Variants in IQANK1 observed in about 807,000 individuals in gnomAD.
The protein encoded by IQANK1 is IQ motif and ankyrin repeat containing 1.
Under a neutral mutation model 22.6 loss-of-function variants are expected in IQANK1, and 30 were observed. That is an observed-to-expected ratio of 1.33 (90% confidence interval 0.99 to 1.80). The LOEUF is 1.80. IQANK1 is among the 40% of genes most tolerant of loss of function. The pLI, the probability that IQANK1 is intolerant of heterozygous loss-of-function variation, is 0.00. For missense variants in IQANK1, 275 were observed against 235.2 expected (o/e 1.17, Z -1.11); for synonymous variants, 122 against 99.6 (o/e 1.23, Z -1.34).
At chr8:143,780,169 CCTT>C (rs1427143636) in intron 7 of IQANK1, among the ~76,000 whole-genome samples, 1 of 152,014 alleles carries the variant, frequency 6.6e-6, no homozygotes, top group African/African-American at 2.4e-5. Context: ...GTGCTTGCTT[CCTT>C]CTTTTTTTCA....
chr8:143,787,677 C>T (rs1819918329), intron 7 of IQANK1, among the ~76,000 whole-genome samples: 1 of 152,166 alleles, frequency 6.6e-6, no homozygotes, highest in South Asian at 2.1e-4. Context: ...TCTTTCCCCT[C>T]ATCCTGTCTT....
intron 3 of IQANK1, chr8:143,745,198 TG>T (rs1357888753): frequency 6.6e-6 from 1 of 152,266 alleles, no homozygotes; most frequent in Non-Finnish European, 1.5e-5. Context: ...ATCTGGAAAC[TG>T]GGTGAGAGAC....
intron 2 of IQANK1, among the ~76,000 whole-genome samples, chr8:143,737,804 T>G (rs1475070321): frequency 6.6e-6 from 1 of 152,126 alleles, no homozygotes; most frequent in African/African-American, 2.4e-5. Context: ...TAGCTGCTCC[T>G]CCCGCCACAG....
At position 143,773,509 on chromosome 8, in the gene IQANK1, C is replaced by T. The variant is rs1442330584; in HGVS notation, c.789+1027C>T. 2.6e-5 allele frequency among the ~76,000 whole-genome samples: 4 copies of T among 152,222 alleles called. No individual in the cohort carries two copies. In the East Asian group the frequency reaches 5.8e-4, roughly 22 times the overall value. On this transcript the variant is annotated intron_variant, in intron 7 of 13. Transcript: ENST00000527139. ...CAACTTAATTTGAACCCCAGTCCCT[C>T]TCCCATCTCAGTCATTATGTTCCCC...
At chr8:143,748,608 AATATATAAATATATAATATATC>A (rs1819084835) in intron 3 of IQANK1, among the ~76,000 whole-genome samples, 1 of 130,082 alleles carries the variant, frequency 7.7e-6, no homozygotes, top group African/African-American at 3.0e-5. Context: ...TATCATATAT[AATATATAAATATATAATATATC>A]ATATATAAAT....
intron 7 of IQANK1, among the ~76,000 whole-genome samples, chr8:143,775,363 C>G (rs1049343198): frequency 1.3e-5 from 2 of 151,868 alleles, no homozygotes; most frequent in Non-Finnish European, 2.9e-5. Context: ...CAGACACACA[C>G]ACACACACAC....
chr8:143,779,644 T>A (rs1222904406), intron 7 of IQANK1, among the ~76,000 whole-genome samples: 2 of 152,222 alleles, frequency 1.3e-5, no homozygotes, highest in African/African-American at 4.8e-5. Flanking sequence ...TTTTATTTTC[T>A]GTCTTCATTC....
chr8:143,736,642 T>C (rs1218451390), intron 2 of IQANK1, among the ~76,000 whole-genome samples: 5 of 152,162 alleles, frequency 3.3e-5, no homozygotes, highest in Non-Finnish European at 4.4e-5. Flanking sequence ...TCTCTGACTC[T>C]CTGCTCCATC....
chr8:143,747,716 T>C (rs1177805136), intron 3 of IQANK1, among the ~76,000 whole-genome samples: 1 of 152,192 alleles, frequency 6.6e-6, no homozygotes, highest in African/African-American at 2.4e-5. Flanking sequence ...TATTGATTTC[T>C]AACCTCATCC....
chr8:143,770,716 G>A (rs1240357687), intron 3 of IQANK1, among the ~76,000 whole-genome samples: 1 of 152,258 alleles, frequency 6.6e-6, no homozygotes, highest in African/African-American at 2.4e-5. Flanking sequence ...CTGGCCACCC[G>A]TGCCCTGGCA....
chr8:143,751,722 GTTTATC>G (rs1554628069), intron 3 of IQANK1, among the ~76,000 whole-genome samples: 1 of 139,938 alleles, frequency 7.1e-6, no homozygotes, highest in African/African-American at 2.6e-5. Context: ...TTACCCACAT[GTTTATC>G]TTTATTGAGA....
intron 3 of IQANK1, chr8:143,745,768 G>C (rs920147368): frequency 5.9e-5 from 9 of 151,970 alleles, no homozygotes; most frequent in African/African-American, 1.9e-4. Context: ...GTCTTTCTCT[G>C]TCACCCAGGA....
At chr8:143,751,593 C>T (rs1338136136) in intron 3 of IQANK1, among the ~76,000 whole-genome samples, 1 of 133,484 alleles carries the variant, frequency 7.5e-6, no homozygotes, top group East Asian at 2.2e-4. Flanking sequence ...GCCTGGGCAA[C>T]AGAGCGAGAC....
chr8:143,772,219 G>T lies in IQANK1; in HGVS notation c.639G>T (p.Glu213Asp). 1 of 395,086 alleles carries T rather than the reference G, an allele frequency of 2.5e-6. No individual in the cohort carries two copies. Among genetic ancestry groups the T allele is most frequent in the Non-Finnish European group, 4.5e-6 (1 of 223,760 alleles). The allele number at this position is 395,086 out of a possible 1,614,324, so 24.5% of individuals were successfully genotyped here. A position where few individuals can be genotyped will look rare whatever the true frequency, so the allele number is the denominator to read the frequency against. The change falls in exon 6 of 14, where the codon GAG becomes GAT. Residue 213 changes from glutamate to aspartate, a missense_variant. Transcript: ENST00000527139. ...CCCTGGCCATCCAGCTGCGGGCCGA[G>T]CTCGGCGCCAGCCCCAACAGCAAGG... ...GQPLAIQLRAELGASPNSKGA... is the reference protein window; with the variant it reads ...GQPLAIQLRADLGASPNSKGA...
chr8:143,769,484 G>C (rs139248644), intron 3 of IQANK1, among the ~76,000 whole-genome samples: 86 of 152,272 alleles, frequency 5.6e-4, no homozygotes, highest in African/African-American at 1.9e-3. Context: ...AGGCCACTGC[G>C]CTTGGCCTAA....
chr8:143,784,761 A>ATAGC (rs1819855839), intron 7 of IQANK1, among the ~76,000 whole-genome samples: 1 of 151,566 alleles, frequency 6.6e-6, no homozygotes, highest in African/African-American at 2.4e-5. Flanking sequence ...ACTTCTACTT[A>ATAGC]TAGCTCATTG....
chr8:143,765,315 C>G (rs139494613), intron 3 of IQANK1, among the ~76,000 whole-genome samples: 3,107 of 152,124 alleles, frequency 0.02, 98 homozygotes, highest in African/African-American at 0.063. Context: ...CAGGATCACA[C>G]CACTGCACTC....
At chr8:143,739,571 G>C in intron 2 of IQANK1, 1 of 353,236 alleles carries the variant, frequency 2.8e-6, no homozygotes, top group Non-Finnish European at 5.1e-6. Context: ...GGTCCTTCTA[G>C]CAGAGGCACC....
chr8:143,743,351 C>G (rs143460110), intron 3 of IQANK1, among the ~76,000 whole-genome samples: 3 of 152,324 alleles, frequency 2.0e-5, no homozygotes, highest in African/African-American at 7.2e-5. Context: ...GATCCTCCTG[C>G]CTCAGCCTGA....
Sources: allele counts gnomAD v4.1 joint callset (sites outside exome capture counted in the v4.1 genomes callset), GRCh38; gene constraint gnomAD v4.1.1; transcripts MANE v1.5; gene names NCBI Gene and HGNC (gene_info 2026-07-23, HGNC 2026-07-21).